Variants in TRABD2B observed in about 807,000 individuals in gnomAD.
TRABD2B encodes the protein metalloprotease TIKI2.
TRABD2B carries 14 observed loss-of-function variants against 40.1 expected under a neutral mutation model. The observed-to-expected ratio is 0.35, with a 90% CI of 0.23 to 0.55. The LOEUF (loss-of-function observed/expected upper bound fraction) is 0.55. Ranked by LOEUF, TRABD2B falls within the 20% of genes least tolerant of loss-of-function variation. TRABD2B has a pLI of 0.90. For missense variants in TRABD2B, 541 were observed against 648.6 expected (o/e 0.83, Z 1.80); for synonymous variants, 263 against 277.0 (o/e 0.95, Z 0.50).
At chr1:47,942,411 C>T (rs968340162) in intron 2 of TRABD2B, among the ~76,000 whole-genome samples, 4 of 152,116 alleles carry the variant, frequency 2.6e-5, no homozygotes, top group African/African-American at 9.7e-5. Context: ...GGCTCCATAG[C>T]TGCAGTGTTT....
chr1:47,969,534 A>T (rs1645650978), intron 2 of TRABD2B, among the ~76,000 whole-genome samples: 1 of 152,316 alleles, frequency 6.6e-6, no homozygotes, highest in Admixed American at 6.5e-5. Context: ...GGAGAGGTCC[A>T]TGATGGGCCA....
intron 2 of TRABD2B, among the ~76,000 whole-genome samples, chr1:47,843,663 T>C (rs944076329): frequency 6.6e-6 from 1 of 151,980 alleles, no homozygotes; most frequent in Non-Finnish European, 1.5e-5. Context: ...GTCAGGGGCA[T>C]GAGGAGGAAC....
chr1:47,916,549 A>T (rs113136288), intron 2 of TRABD2B, among the ~76,000 whole-genome samples: 3,273 of 152,336 alleles, frequency 0.021, 47 homozygotes, highest in Middle Eastern at 0.054. Context: ...ACTTTGCCAA[A>T]TCTTGGAGGT....
At chr1:47,949,517 C>T (rs1392128510) in intron 2 of TRABD2B, among the ~76,000 whole-genome samples, 1 of 146,630 alleles carries the variant, frequency 6.8e-6, no homozygotes, top group Non-Finnish European at 1.5e-5. Flanking sequence ...AAGTGATTCT[C>T]CTGCCTCAGC....
At position 47,781,632 on chromosome 1, in the gene TRABD2B, C is replaced by G. The variant is rs1052492506; in HGVS notation, c.989-3088G>C. Reference sequence around the variant, plus strand: ...GAAAATGAAACCAATCAGGAATAATCCTTCCAATTCCCATTCTCTCCTTCT... The same window carrying G: ...GAAAATGAAACCAATCAGGAATAATGCTTCCAATTCCCATTCTCTCCTTCT... On this transcript the variant is annotated intron_variant, in intron 4 of 6. Coordinates refer to ENST00000606738, the MANE Select transcript of TRABD2B (RefSeq NM_001194986.2). Among the ~76,000 whole-genome samples, 8 of 152,212 alleles carry G rather than the reference C, an allele frequency of 5.3e-5. 1 individual carries two copies. Among genetic ancestry groups the G allele is most frequent in the Non-Finnish European group, 1.5e-5 (1 of 68,048 alleles).
intron 2 of TRABD2B, among the ~76,000 whole-genome samples, chr1:47,950,085 AC>A: frequency 6.6e-6 from 1 of 152,082 alleles, no homozygotes; most frequent in Non-Finnish European, 1.5e-5. Flanking sequence ...GGAGATCGAG[AC>A]CATCCTGGCT....
chr1:47,873,500 C>T (rs2124599098), intron 2 of TRABD2B, among the ~76,000 whole-genome samples: 1 of 152,332 alleles, frequency 6.6e-6, no homozygotes, highest in South Asian at 2.1e-4. Context: ...GGGCAGCAGA[C>T]AGCATGTGGC....
intron 2 of TRABD2B, among the ~76,000 whole-genome samples, chr1:47,895,395 C>T (rs1004562100): frequency 2.0e-5 from 3 of 152,190 alleles, no homozygotes; most frequent in Admixed American, 6.5e-5. Flanking sequence ...TGTACACTTC[C>T]AAGTTCAACA....
intron 2 of TRABD2B, among the ~76,000 whole-genome samples, chr1:47,927,513 C>A (rs1046233206): frequency 6.6e-6 from 1 of 152,216 alleles, no homozygotes; most frequent in African/African-American, 2.4e-5. Context: ...AGAGCCCAGG[C>A]CTGTCTCAGT....
intron 2 of TRABD2B, among the ~76,000 whole-genome samples, chr1:47,980,548 G>A (rs1255303710): frequency 6.6e-6 from 1 of 152,158 alleles, no homozygotes; most frequent in Admixed American, 6.5e-5. Flanking sequence ...GCGACATTCT[G>A]TCCAGCTACT....
At chr1:47,840,896 C>A (rs913541072) in intron 2 of TRABD2B, among the ~76,000 whole-genome samples, 1 of 152,176 alleles carries the variant, frequency 6.6e-6, no homozygotes, top group Non-Finnish European at 1.5e-5. Flanking sequence ...ATCTCCCCTC[C>A]TCCAGAAAGC....
In TRABD2B at chr1:47,763,363, T is replaced by C. The variant is rs373891475; in HGVS notation, c.*2539A>G. On this transcript the variant is annotated 3_prime_UTR_variant, in exon 7 of 7. Coordinates refer to ENST00000606738, the MANE Select transcript of TRABD2B (RefSeq NM_001194986.2). The stretch of plus-strand genomic sequence containing the variant: ...TCTACTCCATCGGTTAGTCTAGCCA[T>C]CTTTCTTTAAACACTTGAATTAGGG... The C allele has an allele frequency of 6.6e-6, 1 of 152,240 alleles. No homozygotes were observed. The highest frequency in any genetic ancestry group is 2.4e-5 in the African/African-American group (1 of 41,462). 9.4% of individuals were successfully genotyped at this position (152,240 alleles called of 1,614,324 possible). A position where few individuals can be genotyped will look rare whatever the true frequency, so the allele number is the denominator to read the frequency against.
At chr1:47,889,470 T>C (rs918052209) in intron 2 of TRABD2B, among the ~76,000 whole-genome samples, 4 of 152,258 alleles carry the variant, frequency 2.6e-5, no homozygotes, top group African/African-American at 9.6e-5. Context: ...GTCACATTGA[T>C]GACAGATACC....
At chr1:47,986,543 A>G (rs1645921250) in intron 2 of TRABD2B, among the ~76,000 whole-genome samples, 1 of 152,246 alleles carries the variant, frequency 6.6e-6, no homozygotes, top group African/African-American at 2.4e-5. Flanking sequence ...AATGCCATAA[A>G]TAATTCCACA....
intron 2 of TRABD2B, among the ~76,000 whole-genome samples, chr1:47,815,850 T>TAGAA (rs200678905): frequency 1.3e-5 from 2 of 149,078 alleles, no homozygotes; most frequent in Admixed American, 6.7e-5. Flanking sequence ...GATAGATAGA[T>TAGAA]AGAAATAGAG....
intron 2 of TRABD2B, among the ~76,000 whole-genome samples, chr1:47,834,438 A>C (rs1413062680): frequency 1.3e-5 from 2 of 152,228 alleles, no homozygotes; most frequent in Non-Finnish European, 1.5e-5. Flanking sequence ...AGCTATGTAC[A>C]TGCTCAGGAA....
chr1:47,828,374 T>C (rs1433963743), intron 2 of TRABD2B, among the ~76,000 whole-genome samples: 1 of 152,052 alleles, frequency 6.6e-6, no homozygotes, highest in Admixed American at 6.6e-5. Flanking sequence ...AGGGGGACAG[T>C]ATAGGCAGAG....
At chr1:47,983,334 G>A (rs566731485) in intron 2 of TRABD2B, among the ~76,000 whole-genome samples, 2 of 152,292 alleles carry the variant, frequency 1.3e-5, no homozygotes, top group East Asian at 1.9e-4. Context: ...CTACCTGAGC[G>A]TGGAGGTTAG....
chr1:47,880,896 G>A (rs1644293879), intron 2 of TRABD2B, among the ~76,000 whole-genome samples: 1 of 152,220 alleles, frequency 6.6e-6, no homozygotes, highest in African/African-American at 2.4e-5. Flanking sequence ...GAACTAGAGG[G>A]TACTGTTCAT....
Sources: allele counts gnomAD v4.1 joint callset (sites outside exome capture counted in the v4.1 genomes callset), GRCh38; gene constraint gnomAD v4.1.1; transcripts MANE v1.5; gene names NCBI Gene and HGNC (gene_info 2026-07-23, HGNC 2026-07-21).